Variants in C5orf58 observed in about 807,000 individuals in gnomAD.
C5orf58 encodes the protein chromosome 5 open reading frame 58.
Under a neutral mutation model 2.9 loss-of-function variants are expected in C5orf58, and 2 were observed. That is an observed-to-expected ratio of 0.69 (90% CI 0.28 to 2.18). C5orf58 has a LOEUF of 2.18. Ranked by LOEUF, C5orf58 falls within the 30% of genes most tolerant of loss-of-function variation. The pLI, the probability that C5orf58 is intolerant of heterozygous loss-of-function variation, is 0.13. For synonymous variants in C5orf58, 37 were observed against 33.4 expected, an observed-to-expected ratio of 1.11 and a Z score of -0.37; for missense variants, 96 against 91.7, an observed-to-expected ratio of 1.05 and a Z score of -0.19.
intron 3 of C5orf58, among the ~76,000 whole-genome samples, chr5:170,244,999 C>G (rs969141567): frequency 6.6e-6 from 1 of 152,208 alleles, no homozygotes; most frequent in Non-Finnish European, 1.5e-5. Context: ...CCTTCTGACA[C>G]ACAGGACCCT....
downstream of C5orf58, chr5:170,250,878 G>A (rs1561965003): frequency 1.2e-6 from 2 of 1,613,116 alleles, no homozygotes; most frequent in East Asian, 2.2e-5. Context: ...GACCAGAAAT[G>A]TGCCATCCTA....
At chr5:170,241,680 G>C (rs202078129) in intron 3 of C5orf58, among the ~76,000 whole-genome samples, 47,910 of 146,042 alleles carry the variant, frequency 0.33, 9,363 homozygotes, top group Non-Finnish European at 0.43. Flanking sequence ...ATTTTGGGCT[G>C]AGACGATGGG....
At chr5:170,251,000 A>C, downstream of C5orf58, 2 of 741,106 alleles carry the variant, frequency 2.7e-6, no homozygotes, top group Non-Finnish European at 2.2e-6. Flanking sequence ...TGCACTTTGC[A>C]GCTTCTTGAG....
At chr5:170,251,121 T>C, downstream of C5orf58, 1 of 436,520 alleles carries the variant, frequency 2.3e-6, no homozygotes, top group Non-Finnish European at 4.1e-6. Flanking sequence ...TCAAAGAAAT[T>C]TCCAAGTCAA....
At chr5:170,244,652 G>A (rs1761173759) in intron 3 of C5orf58, among the ~76,000 whole-genome samples, 1 of 151,294 alleles carries the variant, frequency 6.6e-6, no homozygotes, top group Non-Finnish European at 1.5e-5. Flanking sequence ...GCACTTCTCT[G>A]TATTGGTTAT....
intron 3 of C5orf58, among the ~76,000 whole-genome samples, chr5:170,239,816 G>A (rs2113104113): frequency 6.6e-6 from 1 of 151,740 alleles, no homozygotes; most frequent in East Asian, 1.9e-4. Context: ...GGGTACATGT[G>A]CACATTGTGC....
At chr5:170,234,587 T>C (rs1346488475) in intron 2 of C5orf58, among the ~76,000 whole-genome samples, 1 of 152,244 alleles carries the variant, frequency 6.6e-6, no homozygotes, top group Non-Finnish European at 1.5e-5. Context: ...TGGGCCCTGT[T>C]ATTCAAGAAT....
downstream of C5orf58, chr5:170,247,721 C>T (rs958146369): frequency 6.6e-6 from 1 of 152,110 alleles, no homozygotes; most frequent in African/African-American, 2.4e-5. Context: ...GCAGAGCTGT[C>T]AGGGGGATAA....
chr5:170,244,359 T>G (rs540853790), intron 3 of C5orf58, among the ~76,000 whole-genome samples: 2 of 151,452 alleles, frequency 1.3e-5, no homozygotes. Flanking sequence ...TCCTGGATAG[T>G]ATCCTGCAGA....
downstream of C5orf58, chr5:170,248,887 T>A (rs1457230391): frequency 2.8e-5 from 42 of 1,509,646 alleles, no homozygotes; most frequent in Non-Finnish European, 3.7e-5. Flanking sequence ...CTTTCAGTTT[T>A]TTTATCTGCA....
At chr5:170,252,280 G>T, downstream of C5orf58, 1 of 459,098 alleles carries the variant, frequency 2.2e-6, no homozygotes, top group Non-Finnish European at 3.9e-6. Flanking sequence ...GGTGCTGGTA[G>T]TTGTGAAGCT....
intron 1 of C5orf58, 36 bp downstream of exon 1, chr5:170,233,043 T>G: frequency 3.2e-5 from 28 of 878,834 alleles, no homozygotes; most frequent in Non-Finnish European, 3.7e-5. Context: ...TGAAGGATCC[T>G]AATCTGGTTT....
chr5:170,241,262 CT>C (rs1180880145), intron 3 of C5orf58, among the ~76,000 whole-genome samples: 1 of 151,940 alleles, frequency 6.6e-6, no homozygotes, highest in Admixed American at 6.6e-5. Context: ...GATGCGGGCT[CT>C]TTTTTTGGTT....
At chr5:170,241,486 C>A (rs1761005861) in intron 3 of C5orf58, among the ~76,000 whole-genome samples, 1 of 150,618 alleles carries the variant, frequency 6.6e-6, no homozygotes, top group Admixed American at 6.6e-5. Context: ...TTGAAGAGGT[C>A]CTTCACATCC....
downstream of C5orf58, among the ~76,000 whole-genome samples, chr5:170,249,255 G>T (rs561912060): frequency 6.6e-6 from 1 of 151,746 alleles, no homozygotes; most frequent in Non-Finnish European, 1.5e-5. Flanking sequence ...AACCTGGGAG[G>T]CAGAGGTTGC....
Position 170,236,766 on chromosome 5 carries a change from C to G in C5orf58, c.94+1696C>G, listed in dbSNP as rs545777812. On this transcript the variant is annotated intron_variant, in intron 3 of 3. Coordinates refer to ENST00000593851, the MANE Select transcript of C5orf58 (RefSeq NM_001102609.3). ...GAAATCCCATTGCTATACCCTACCT[C>G]CAACACACCAGGTTAACTGCTAGTA... Among the ~76,000 whole-genome samples, 3 of 152,328 alleles carry G rather than the reference C, an allele frequency of 2.0e-5. No homozygotes were observed. In the East Asian group the frequency reaches 5.8e-4, roughly 29 times the overall value.
At chr5:170,245,454 G>T (rs866413458) in intron 3 of C5orf58, among the ~76,000 whole-genome samples, 1 of 152,234 alleles carries the variant, frequency 6.6e-6, no homozygotes, top group African/African-American at 2.4e-5. Context: ...TTCCAAGCCA[G>T]GTGCGGGATA....
At chr5:170,250,647 G>C (rs758987994), downstream of C5orf58, 339 of 1,073,486 alleles carry the variant, frequency 3.2e-4, 4 homozygotes, top group Middle Eastern at 7.8e-3. Flanking sequence ...ATACAGCACG[G>C]ACTCTCAAAG....
At chr5:170,250,642 G>C, downstream of C5orf58, 1 of 1,049,562 alleles carries the variant, frequency 9.5e-7, no homozygotes, top group Non-Finnish European at 1.5e-6. Context: ...TTGCCATACA[G>C]CACGGACTCT....
Sources: allele counts gnomAD v4.1 joint callset (sites outside exome capture counted in the v4.1 genomes callset), GRCh38; gene constraint gnomAD v4.1.1; transcripts MANE v1.5; gene names NCBI Gene and HGNC (gene_info 2026-07-23, HGNC 2026-07-21).